MYO1E: variants seen among roughly 807,000 people sequenced by gnomAD.
MYO1E encodes the protein unconventional myosin-Ie.
A neutral mutation model predicts 151.1 loss-of-function variants in MYO1E; 68 were observed. That is an observed-to-expected ratio of 0.45 (90% CI 0.37 to 0.55). MYO1E has a LOEUF of 0.55. Among genes scored for constraint, MYO1E ranks in the 20% least tolerant of loss-of-function variants. The pLI is 0.00. For missense variants in MYO1E, 1,363 were observed against 1,389.3 expected (o/e 0.98, Z 0.30); for synonymous variants, 601 against 501.7 (o/e 1.20, Z -2.64).
intron 1 of MYO1E, among the ~76,000 whole-genome samples, chr15:59,292,360 C>T (rs756940842): frequency 6.6e-6 from 1 of 152,216 alleles, no homozygotes; most frequent in South Asian, 2.1e-4. Flanking sequence ...TGAGTTTGTA[C>T]ACCACTACAG....
intron 17 of MYO1E, 53 bp from the exon 18 acceptor site, chr15:59,188,269 G>A (rs766376937): frequency 4.1e-6 from 6 of 1,457,626 alleles, no homozygotes; most frequent in Non-Finnish European, 5.8e-6. Context: ...CCTTTCACTC[G>A]TGTTCTTACC....
intron 21 of MYO1E, 89 bp downstream of exon 21, chr15:59,173,657 G>T: frequency 6.6e-7 from 1 of 1,522,162 alleles, no homozygotes; most frequent in South Asian, 1.1e-5. Context: ...AACACATTCT[G>T]ATTTGGTAAC....
chr15:59,199,388 T>C (rs923158372), intron 16 of MYO1E, among the ~76,000 whole-genome samples: 2 of 152,260 alleles, frequency 1.3e-5, no homozygotes, highest in East Asian at 3.9e-4. Flanking sequence ...CGGCCTGCAT[T>C]ATACTTTATA....
chr15:59,348,992 G>A (rs1183176603), intron 1 of MYO1E: 1 of 152,140 alleles, frequency 6.6e-6, no homozygotes, highest in African/African-American at 2.4e-5. Flanking sequence ...AGAACATGAT[G>A]CATGAGGTAA....
intron 1 of MYO1E, among the ~76,000 whole-genome samples, chr15:59,356,434 C>T (rs8024396): frequency 1.3e-5 from 2 of 151,984 alleles, no homozygotes; most frequent in African/African-American, 2.4e-5. Context: ...TGAGTACCCA[C>T]GAGCAGCAGT....
intron 1 of MYO1E, among the ~76,000 whole-genome samples, chr15:59,362,839 G>A (rs1488334647): frequency 6.6e-6 from 1 of 152,170 alleles, no homozygotes; most frequent in African/African-American, 2.4e-5. Context: ...GACTAACAAT[G>A]TGATATTCTA....
chr15:59,216,643 AGTGT>A (rs1301548766), intron 10 of MYO1E, among the ~76,000 whole-genome samples: 3 of 43,452 alleles, frequency 6.9e-5, no homozygotes, highest in South Asian at 7.1e-4. Context: ...AAGGGCCCCC[AGTGT>A]GTGTGTGTGT....
At chr15:59,214,533 TG>T in intron 11 of MYO1E, 106 bp downstream of exon 11, 1 of 1,137,208 alleles carries the variant, frequency 8.8e-7, no homozygotes, top group Non-Finnish European at 1.3e-6. Flanking sequence ...TTTGTTGTTG[TG>T]GTTTGTTTTC....
In MYO1E at chr15:59,270,644, C is replaced by CT. The variant is rs112461375; in HGVS notation, c.147+1661dup. 5.9e-3 allele frequency among the ~76,000 whole-genome samples: 855 copies of CT among 145,260 alleles called. 2 individuals carry two copies. The highest frequency in any genetic ancestry group is 0.016 in the African/African-American group (652 of 40,000). ...GTCATTTAAAAATACAATAAATTCACTTTTTTTTTTTGGAGACAGAGTCTT... is the reference window on the plus strand; with the variant it reads ...GTCATTTAAAAATACAATAAATTCACTTTTTTTTTTTTGGAGACAGAGTCTT... On this transcript the variant is annotated intron_variant, in intron 2 of 27. Coordinates refer to ENST00000288235, the MANE Select transcript of MYO1E (RefSeq NM_004998.4).
chr15:59,137,269 G>GCCTT lies in MYO1E; in HGVS notation c.*107_*110dup. 1 of 986,056 alleles carries GCCTT rather than the reference G, an allele frequency of 1.0e-6. No individual in the cohort carries two copies. The highest frequency in any genetic ancestry group is 1.6e-6 in the Non-Finnish European group (1 of 621,798). 61.1% of individuals were successfully genotyped at this position (986,056 alleles called of 1,614,324 possible). On this transcript the variant is annotated 3_prime_UTR_variant, in exon 28 of 28. Coordinates refer to ENST00000288235, the MANE Select transcript of MYO1E (RefSeq NM_004998.4). ...GGGGAAGGTACCAGAATAGCTCCAGGCCTTGGAGAAGCAATTGCTCATTGT... is the reference window on the plus strand; with the variant it reads ...GGGGAAGGTACCAGAATAGCTCCAGGCCTTCCTTGGAGAAGCAATTGCTCATTGT...
At chr15:59,346,949 T>C (rs1404113567) in intron 1 of MYO1E, among the ~76,000 whole-genome samples, 3 of 148,888 alleles carry the variant, frequency 2.0e-5, no homozygotes, top group African/African-American at 7.4e-5. Context: ...GTGAAAGAAT[T>C]GTGTAAAGAA....
Position 59,325,989 on chromosome 15 carries a change from C to T in MYO1E, c.3+46509G>A, listed in dbSNP as rs537348828. Among the ~76,000 whole-genome samples the T allele has an allele frequency of 2.0e-4, 31 of 152,194 alleles. No individual in the cohort carries two copies. In the South Asian group the frequency reaches 2.1e-3, roughly 10 times the overall value. On this transcript the variant is annotated intron_variant, in intron 1 of 27. Transcript: ENST00000288235. ...CCCAAAGCACAAAAAGCAACAGCTA[C>T]GACATTTAAAGTAATGGGAATAGGA...
chr15:59,328,462 G>A (rs549411868), intron 1 of MYO1E, among the ~76,000 whole-genome samples: 4 of 151,906 alleles, frequency 2.6e-5, no homozygotes, highest in African/African-American at 7.2e-5. Flanking sequence ...CTGGGAGAGG[G>A]GCCAAAAAGT....
rs1301730699 is a variant in MYO1E at position 59,135,829 on chromosome 15, A to AAGGT, written c.*1547_*1550dup. Reference sequence around the variant, plus strand: ...AATGGCTATGGCACCCAGAGGAGGAAAGGTAGAGAAATGGCAGTCTCTACT... The same window carrying AAGGT: ...AATGGCTATGGCACCCAGAGGAGGAAAGGTAGGTAGAGAAATGGCAGTCTCTACT... On this transcript the variant is annotated 3_prime_UTR_variant, in exon 28 of 28. Coordinates refer to ENST00000288235, the MANE Select transcript of MYO1E (RefSeq NM_004998.4). The AAGGT allele has an allele frequency of 6.6e-6, 1 of 152,232 alleles. No homozygotes were observed. The highest frequency in any genetic ancestry group is 2.4e-5 in the African/African-American group (1 of 41,452). The allele number at this position is 152,232 out of a possible 1,614,324, so 9.4% of individuals were successfully genotyped here.
intron 19 of MYO1E, among the ~76,000 whole-genome samples, chr15:59,176,844 G>A (rs892273692): frequency 1.3e-5 from 2 of 152,154 alleles, no homozygotes; most frequent in African/African-American, 2.4e-5. Flanking sequence ...GAGAGCGGAG[G>A]TGATGGTGTG....
intron 1 of MYO1E, among the ~76,000 whole-genome samples, chr15:59,303,589 T>A (rs72746874): frequency 6.6e-6 from 1 of 152,004 alleles, no homozygotes; most frequent in African/African-American, 2.4e-5. Flanking sequence ...AATAGATACA[T>A]AAAATGCAAA....
intron 1 of MYO1E, among the ~76,000 whole-genome samples, chr15:59,290,927 T>C (rs113565763): frequency 5.3e-5 from 8 of 152,286 alleles, no homozygotes; most frequent in African/African-American, 1.7e-4. Flanking sequence ...AATCATTTTA[T>C]GCAAGGAATG....
rs185709702 is a variant in MYO1E at position 59,340,295 on chromosome 15, C to T, written c.3+32203G>A. Among the ~76,000 whole-genome samples, 19 of 152,134 alleles carry T rather than the reference C, an allele frequency of 1.2e-4. No individual in the cohort carries two copies. The East Asian group carries it at 2.9e-3, about 23-fold the overall frequency. ...ACTGAACTCCAGCCAGGATGACAAGCGACACCTTGTCTCAAAAAAAATAGC... is the reference window on the plus strand; with the variant it reads ...ACTGAACTCCAGCCAGGATGACAAGTGACACCTTGTCTCAAAAAAAATAGC... On this transcript the variant is annotated intron_variant, in intron 1 of 27. Coordinates refer to ENST00000288235, the MANE Select transcript of MYO1E (RefSeq NM_004998.4).
intron 2 of MYO1E, among the ~76,000 whole-genome samples, chr15:59,266,339 T>C (rs1455288448): frequency 1.3e-5 from 2 of 152,080 alleles, no homozygotes; most frequent in South Asian, 2.1e-4. Context: ...CATAAAGATA[T>C]GAAGCTATGA....
Sources: allele counts gnomAD v4.1 joint callset (sites outside exome capture counted in the v4.1 genomes callset), GRCh38; gene constraint gnomAD v4.1.1; transcripts MANE v1.5; gene names NCBI Gene and HGNC (gene_info 2026-07-23, HGNC 2026-07-21).